The following RFX6 variants were observed in gnomAD, a reference collection of about 807,000 sequenced individuals.
RFX6 encodes regulatory factor X6, also known as DNA-binding protein RFX6.
A neutral mutation model predicts 110.8 loss-of-function variants in RFX6; 50 were observed. The ratio of observed to expected loss-of-function variants is 0.45; its 90% CI spans 0.36 to 0.57. The LOEUF (loss-of-function observed/expected upper bound fraction) is 0.57. Among genes scored for constraint, RFX6 ranks in the 20% least tolerant of loss-of-function variants. The probability of loss-of-function intolerance (pLI) is 0.00; values close to 1 mark genes in which losing one functional copy is unlikely to be tolerated. For synonymous variants in RFX6, 383 were observed against 411.2 expected (o/e 0.93, Z 0.83); for missense variants, 990 against 1,127.0 (o/e 0.88, Z 1.74).
At position 116,919,127 on chromosome 6, in the gene RFX6, T is replaced by G. The variant is rs1323390329; in HGVS notation, c.1023-10T>G. 5 of 1,611,812 alleles carry G rather than the reference T, an allele frequency of 3.1e-6. No individual in the cohort carries two copies. The highest frequency in any genetic ancestry group is 4.2e-6 in the Non-Finnish European group (5 of 1,178,094). On this transcript the variant is annotated splice_polypyrimidine_tract_variant and intron_variant, in intron 10 of 18. Coordinates refer to ENST00000332958, the MANE Select transcript of RFX6 (RefSeq NM_173560.4). ...ACAATGAAGCATTTAACACATAGCC[T>G]TCTTTGTAGCTTATTAGCAGACATA...
Position 116,877,398 on chromosome 6 carries a change from G to T in RFX6, c.123G>T (p.Pro41=), listed in dbSNP as rs371890425. 6.2e-7 allele frequency: 1 copy of T among 1,607,526 alleles called. No individual in the cohort carries two copies. Among genetic ancestry groups the T allele is most frequent in the Non-Finnish European group, 8.5e-7 (1 of 1,177,116 alleles). ...QLLGKGLLVY[P]EETVYLAAEG... ...TGGGCAAGGGCTTGCTAGTCTATCC[G>T]GAAGAAACAGTGTACCTGGCGGCCG... The change falls in exon 1 of 19, where the codon CCG becomes CCT. Residue 41 remains proline (P), a synonymous_variant. Transcript: ENST00000332958.
chr6:116,919,457 C>G (rs2114696397), intron 11 of RFX6, among the ~76,000 whole-genome samples, 161 bp downstream of exon 11: 1 of 152,172 alleles, frequency 6.6e-6, no homozygotes, highest in South Asian at 2.1e-4. Context: ...AGAAAAAGCA[C>G]ATTAGTGGGA....
In RFX6 at chr6:116,916,415, G is replaced by T. The variant is rs1018699609; in HGVS notation, c.972+101G>T. On this transcript the variant is annotated intron_variant, in intron 9 of 18. Coordinates refer to ENST00000332958, the MANE Select transcript of RFX6 (RefSeq NM_173560.4). ...ATTTTCAGTAAATATGTTATTTATG[G>T]CTGGATATACACTGTCTTTTTTTTT... 6 of 805,192 alleles carry T rather than the reference G, an allele frequency of 7.5e-6. No individual in the cohort carries two copies. In the African/African-American group the frequency reaches 1.0e-4, roughly 14 times the overall value. 49.9% of individuals were successfully genotyped at this position (805,192 alleles called of 1,614,324 possible).
Position 116,877,317 on chromosome 6 carries a change from G to T in RFX6, c.42G>T (p.Ala14=), listed in dbSNP as rs768220099. 1 of 1,612,572 alleles carries T rather than the reference G, an allele frequency of 6.2e-7. No homozygotes were observed. The highest frequency in any genetic ancestry group is 8.5e-7 in the Non-Finnish European group (1 of 1,179,472). Residue 14 remains alanine (A), a synonymous_variant, in exon 1 of 19, where the codon GCG becomes GCT. Transcript: ENST00000332958. ...AGCTGGAAGACACCTTCCTGCAGGCGCAGCCTGCGCCCCAACTGTCCCCGG... is the reference window on the plus strand; with the variant it reads ...AGCTGGAAGACACCTTCCTGCAGGCTCAGCCTGCGCCCCAACTGTCCCCGG... The part of the protein sequence containing the change: ...VPELEDTFLQ[A]QPAPQLSPGI...
intron 6 of RFX6, among the ~76,000 whole-genome samples, chr6:116,905,554 T>C (rs1171966379): frequency 6.6e-6 from 1 of 151,248 alleles, no homozygotes; most frequent in Non-Finnish European, 1.5e-5. Flanking sequence ...ACAAAAGTGT[T>C]TCTTTTTTTT....
At chr6:116,924,327 T>C (rs1234757305) in intron 14 of RFX6, among the ~76,000 whole-genome samples, 12 of 152,202 alleles carry the variant, frequency 7.9e-5, no homozygotes, top group Non-Finnish European at 1.0e-4. Context: ...TCTCCCCAAG[T>C]TGAAGCTTAT....
At chr6:116,922,728 A>G (rs1008713946) in intron 13 of RFX6, among the ~76,000 whole-genome samples, 19 of 152,202 alleles carry the variant, frequency 1.2e-4, no homozygotes, top group African/African-American at 4.3e-4. Context: ...AGGAAAATAG[A>G]TTATCATTCA....
chr6:116,903,014 A>G (rs193254272), intron 6 of RFX6, among the ~76,000 whole-genome samples: 49 of 152,182 alleles, frequency 3.2e-4, no homozygotes, highest in African/African-American at 7.0e-4. Flanking sequence ...GAAGTTATCA[A>G]TTGAGAAAGG....
At chr6:116,890,983 T>C (rs1774818470) in intron 4 of RFX6, among the ~76,000 whole-genome samples, 1 of 152,156 alleles carries the variant, frequency 6.6e-6, no homozygotes, top group African/African-American at 2.4e-5. Flanking sequence ...AAGAAAAAAG[T>C]TACACATCTG....
At chr6:116,902,105 G>A (rs1029372648) in intron 6 of RFX6, among the ~76,000 whole-genome samples, 10 of 151,974 alleles carry the variant, frequency 6.6e-5, no homozygotes, top group African/African-American at 2.4e-4. Context: ...AGGATACATA[G>A]TGTATTATAC....
At chr6:116,926,148 C>T (rs1473938829) in intron 16 of RFX6, among the ~76,000 whole-genome samples, 6 of 152,104 alleles carry the variant, frequency 3.9e-5, no homozygotes, top group Non-Finnish European at 7.4e-5. Flanking sequence ...AAAACCCCGT[C>T]TCTACTAAAC....
At chr6:116,918,185 A>C (rs1372924275) in intron 10 of RFX6, 99 bp downstream of exon 10, 27 of 912,796 alleles carry the variant, frequency 3.0e-5, no homozygotes, top group African/African-American at 4.9e-5. Context: ...TTCATTTATC[A>C]AGAAGACTAT....
rs184800412 is a variant in RFX6 at position 116,913,421 on chromosome 6, T to G, written c.780+2379T>G. ...CTGCCCAGTGAAAAGCTGACCCCAG[T>G]GAGGGTACTGAGAAGCTGGGGGCCT... On this transcript the variant is annotated intron_variant, in intron 7 of 18. Coordinates refer to ENST00000332958, the MANE Select transcript of RFX6 (RefSeq NM_173560.4). Among the ~76,000 whole-genome samples the G allele has an allele frequency of 2.6e-5, 4 of 152,270 alleles. No individual in the cohort carries two copies. In the East Asian group the frequency reaches 7.7e-4, roughly 29 times the overall value.
chr6:116,911,114 C>A, intron 7 of RFX6, 72 bp downstream of exon 7: 1 of 1,034,734 alleles, frequency 9.7e-7, no homozygotes, highest in African/African-American at 1.6e-5. Context: ...CTGGGAATTT[C>A]ATGGTACTGC....
At chr6:116,888,939 A>G (rs1774758777) in intron 4 of RFX6, among the ~76,000 whole-genome samples, 2 of 152,068 alleles carry the variant, frequency 1.3e-5, no homozygotes, top group African/African-American at 4.8e-5. Flanking sequence ...CTCATTTATT[A>G]TCTCTTCTCT....
chr6:116,888,210 C>A (rs779903952), intron 4 of RFX6, among the ~76,000 whole-genome samples: 1 of 151,958 alleles, frequency 6.6e-6, no homozygotes, highest in African/African-American at 2.4e-5. Context: ...TATATAAAGA[C>A]TGAAATGGAA....
rs777620596 is a variant in RFX6 at position 116,880,619 on chromosome 6, C to T, written c.456C>T (p.Phe152=). 2 of 1,613,250 alleles carry T rather than the reference C, an allele frequency of 1.2e-6. No homozygotes were observed. The highest frequency in any genetic ancestry group is 2.7e-5 in the African/African-American group (2 of 74,878). Residue 152 remains phenylalanine, a synonymous_variant, in exon 3 of 19, where the codon TTC becomes TTT. Coordinates refer to ENST00000332958, the MANE Select transcript of RFX6 (RefSeq NM_173560.4). The stretch of plus-strand genomic sequence containing the variant: ...TTCTTTATGCACACTACTTAGATTT[C>T]TGTAGGAAAGAGAAATTAGAGCCAG... ...RCILYAHYLD[F]CRKEKLEPAC... is the part of the protein sequence containing the mutation.
chr6:116,890,896 G>A (rs1512653), intron 4 of RFX6, among the ~76,000 whole-genome samples: 14,986 of 151,760 alleles, frequency 0.099, 916 homozygotes, highest in African/African-American at 0.17. Flanking sequence ...GGAATAAGGG[G>A]GCCAAATAAT....
intron 13 of RFX6, 114 bp from the exon 14 acceptor site, chr6:116,922,993 G>T: frequency 1.3e-6 from 1 of 755,440 alleles, no homozygotes. Context: ...TGAAATAAAT[G>T]CCATGCCATC....
Sources: allele counts gnomAD v4.1 joint callset (sites outside exome capture counted in the v4.1 genomes callset), GRCh38; gene constraint gnomAD v4.1.1; transcripts MANE v1.5; gene names NCBI Gene and HGNC (gene_info 2026-07-23, HGNC 2026-07-21).